PNPLA8: variants seen among roughly 807,000 people sequenced by gnomAD.
PNPLA8 encodes patatin like domain 8, phospholipase A2.
Under a neutral mutation model 76.9 loss-of-function variants are expected in PNPLA8, and 39 were observed. The ratio of observed to expected loss-of-function variants is 0.51; its 90% CI spans 0.39 to 0.66. The LOEUF is 0.66. Among genes scored for constraint, PNPLA8 ranks in the 30% least tolerant of loss-of-function variants. The pLI is 0.00. For synonymous variants in PNPLA8, 301 were observed against 307.9 expected, an observed-to-expected ratio of 0.98 and a Z score of 0.24; for missense variants, 887 against 918.0, an observed-to-expected ratio of 0.97 and a Z score of 0.44.
At chr7:108,524,504 T>G (rs923151148) in intron 1 of PNPLA8, among the ~76,000 whole-genome samples, 1 of 152,138 alleles carries the variant, frequency 6.6e-6, no homozygotes, top group African/African-American at 2.4e-5. Context: ...AATAAAATAC[T>G]TGAGTACTGC....
intron 4 of PNPLA8, chr7:108,502,933 A>G: frequency 4.6e-6 from 1 of 219,084 alleles, no homozygotes; most frequent in Non-Finnish European, 8.8e-6. Context: ...ACAAATTATT[A>G]TAACAAAAGG....
At chr7:108,491,937 T>C (rs1449680635) in intron 7 of PNPLA8, among the ~76,000 whole-genome samples, 7 of 152,210 alleles carry the variant, frequency 4.6e-5, no homozygotes, top group Non-Finnish European at 1.0e-4. Context: ...AATGAGACTT[T>C]AAGCTTGTTT....
At chr7:108,482,729 T>C (rs1429952488) in intron 9 of PNPLA8, among the ~76,000 whole-genome samples, 1 of 152,228 alleles carries the variant, frequency 6.6e-6, no homozygotes, top group Non-Finnish European at 1.5e-5. Flanking sequence ...CCCTATGTTT[T>C]GTCAGATTTA....
Position 108,502,603 on chromosome 7 carries a change from T to C in PNPLA8, c.1246A>G (p.Lys416Glu), listed in dbSNP as rs1862046675. 2.5e-6 allele frequency: 4 copies of C among 1,611,712 alleles called. No homozygotes were observed. Among genetic ancestry groups the C allele is most frequent in the Non-Finnish European group, 3.4e-6 (4 of 1,177,830 alleles). The stretch of plus-strand genomic sequence containing the variant: ...ACTGCAGCCTGAAGAGTTTCATCCT[T>C]AATTTGTCTCAGTCGTAATAAATAT... ...IPYLLRLRQI[K>E]DETLQAAVRE... The change falls in exon 5 of 11, where the codon AAG becomes GAG. Residue 416 changes from lysine (K) to glutamate (E), a missense_variant. Physicochemically the swap from Lys to Glu is moderately conservative, Grantham distance 56. Transcript: ENST00000257694.
chr7:108,519,482 T>C (rs755432176), intron 2 of PNPLA8, among the ~76,000 whole-genome samples: 11 of 152,060 alleles, frequency 7.2e-5, no homozygotes, highest in Admixed American at 2.6e-4. Context: ...CCTAGAGAGA[T>C]TGAGAGAGAG....
chr7:108,511,040 GAAAAA>G lies in PNPLA8; in HGVS notation c.1206+3099_1206+3103del, dbSNP rs60102827. The G allele has an allele frequency of 4.1e-4, 149 of 366,810 alleles. No homozygotes were observed. The Middle Eastern group carries it at 5.0e-3, about 12-fold the overall frequency. The allele number at this position is 366,810 out of a possible 1,614,324, so 22.7% of individuals were successfully genotyped here. Reference sequence around the variant, plus strand: ...ATAAACAGTACCTGCTCTCAAATTGGAAAAAAAAAAAAAAAAAAAGAAAACTGGTA... The same window carrying G: ...ATAAACAGTACCTGCTCTCAAATTGGAAAAAAAAAAAAAAGAAAACTGGTA... On this transcript the variant is annotated intron_variant, in intron 4 of 10. Coordinates refer to ENST00000257694, the MANE Select transcript of PNPLA8 (RefSeq NM_001256007.3).
chr7:108,503,343 G>A (rs966636982), intron 4 of PNPLA8, among the ~76,000 whole-genome samples: 1 of 152,136 alleles, frequency 6.6e-6, no homozygotes, highest in Non-Finnish European at 1.5e-5. Context: ...ATGGCTGAGT[G>A]GCAGCTATAA....
At chr7:108,491,873 T>C (rs188360465) in intron 7 of PNPLA8, among the ~76,000 whole-genome samples, 2 of 152,200 alleles carry the variant, frequency 1.3e-5, no homozygotes, top group East Asian at 1.9e-4. Context: ...GGAGCTGTGT[T>C]GAGATAAGAC....
Position 108,479,312 on chromosome 7 carries a change from T to C in PNPLA8, c.1946A>G (p.Asp649Gly). 1 of 1,613,484 alleles carries C rather than the reference T, an allele frequency of 6.2e-7. No individual in the cohort carries two copies. Among genetic ancestry groups the C allele is most frequent in the Non-Finnish European group, 8.5e-7 (1 of 1,179,372 alleles). The change falls in exon 10 of 11, where the codon GAT (aspartate) becomes GGT (glycine). Residue 649 changes from aspartate to glycine, a missense_variant. Transcript: ENST00000257694. ...AMHECKCLWPDVPLECIVSLG... is the reference protein window; with the variant it reads ...AMHECKCLWPGVPLECIVSLG... ...GGATACTATGCACTCTAACGGCACA[T>C]CTGGCCAAAGACATTTACACTCATG...
At chr7:108,497,233 A>G (rs1332154495) in intron 6 of PNPLA8, among the ~76,000 whole-genome samples, 1 of 152,204 alleles carries the variant, frequency 6.6e-6, no homozygotes, top group Non-Finnish European at 1.5e-5. Flanking sequence ...GTAATTAAAC[A>G]TATTAGGTAC....
intron 10 of PNPLA8, among the ~76,000 whole-genome samples, chr7:108,478,470 A>C (rs1470498996): frequency 6.6e-6 from 1 of 152,100 alleles, no homozygotes; most frequent in Admixed American, 6.5e-5. Flanking sequence ...GGCTCACTGC[A>C]ACCTCTGCCC....
chr7:108,493,568 C>CTTTTTTTTTTTTTTTTT (rs34935118), intron 7 of PNPLA8, among the ~76,000 whole-genome samples: 13 of 81,218 alleles, frequency 1.6e-4, no homozygotes, highest in East Asian at 3.9e-4. Context: ...CCATGCCTGG[C>CTTTTTTTTTTTTTTTTT]TTTTTTTTTT....
intron 10 of PNPLA8, among the ~76,000 whole-genome samples, chr7:108,476,373 A>C (rs1488554911): frequency 6.6e-6 from 1 of 152,208 alleles, no homozygotes; most frequent in Non-Finnish European, 1.5e-5. Flanking sequence ...TGTCTCAGCA[A>C]ATGGCTTATG....
Position 108,471,213 on chromosome 7 carries a change from C to CTTTTTTTTTTTTT in PNPLA8, c.*1175_*1187dup, listed in dbSNP as rs67049113. On this transcript the variant is annotated 3_prime_UTR_variant, in exon 11 of 11. Coordinates refer to ENST00000257694, the MANE Select transcript of PNPLA8 (RefSeq NM_001256007.3). ...TAAGGTAAAACAAGCCTAACTTCTT[C>CTTTTTTTTTTTTT]TTTTTTTTTTTTTTTTTTTTGAGAT... is the stretch of plus-strand genomic sequence containing the variant. 8.3e-6 allele frequency: 1 copy of CTTTTTTTTTTTTT among 120,156 alleles called. No homozygotes were observed. The highest frequency in any genetic ancestry group is 1.7e-5 in the Non-Finnish European group (1 of 57,902). 7.4% of individuals were successfully genotyped at this position (120,156 alleles called of 1,614,324 possible). A position where few individuals can be genotyped will look rare whatever the true frequency, so the allele number is the denominator to read the frequency against.
intron 10 of PNPLA8, among the ~76,000 whole-genome samples, chr7:108,476,233 G>A (rs1178805854): frequency 6.6e-6 from 1 of 152,076 alleles, no homozygotes; most frequent in Non-Finnish European, 1.5e-5. Flanking sequence ...TTACTCATTT[G>A]TCTTATTAAC....
Position 108,526,022 on chromosome 7 carries a change from T to C in PNPLA8, c.-130+7A>G. ...CGTCCCGCCCCTGTCCCCTCGCGGCTACTTACCGGGATGCAGGCCGCAGTC... is the reference window on the plus strand; with the variant it reads ...CGTCCCGCCCCTGTCCCCTCGCGGCCACTTACCGGGATGCAGGCCGCAGTC... On this transcript the variant is annotated splice_region_variant and intron_variant, in intron 1 of 10. Coordinates refer to ENST00000257694, the MANE Select transcript of PNPLA8 (RefSeq NM_001256007.3). The C allele has an allele frequency of 1.0e-6, 1 of 984,298 alleles. No homozygotes were observed. The highest frequency in any genetic ancestry group is 1.7e-5 in the African/African-American group (1 of 57,344). The allele number at this position is 984,298 out of a possible 1,614,324, so 61.0% of individuals were successfully genotyped here.
In PNPLA8 at chr7:108,502,576, T is replaced by G. The variant is rs752907741; in HGVS notation, c.1273A>C (p.Arg425=). 6.2e-7 allele frequency: 1 copy of G among 1,610,770 alleles called. No homozygotes were observed. Among genetic ancestry groups the G allele is most frequent in the Non-Finnish European group, 8.5e-7 (1 of 1,177,628 alleles). Residue 425 remains arginine (R), a synonymous_variant, in exon 5 of 11, where the codon AGA becomes CGA. Coordinates refer to ENST00000257694, the MANE Select transcript of PNPLA8 (RefSeq NM_001256007.3). The part of the protein sequence containing the change: ...IKDETLQAAV[R]EILALIGYVD... The stretch of plus-strand genomic sequence containing the variant: ...TAGCCAATTAGGGCCAAAATTTCTC[T>G]AACTGCAGCCTGAAGAGTTTCATCC...
chr7:108,514,002 G>A, intron 4 of PNPLA8, 142 bp downstream of exon 4: 1 of 591,296 alleles, frequency 1.7e-6, no homozygotes, highest in East Asian at 2.7e-5. Flanking sequence ...AATAAATAGG[G>A]TAATTACTGA....
Position 108,510,833 on chromosome 7 carries a change from A to C in PNPLA8, c.1206+3311T>G, listed in dbSNP as rs1042732790. 295 of 1,599,622 alleles carry C rather than the reference A, an allele frequency of 1.8e-4. 3 individuals carry two copies. In the African/African-American group the frequency reaches 3.6e-3, roughly 20 times the overall value. ...GATCTATACTGTTGGAAAACGCTTCAAAGAGGCAAATAACTTCCTGTGGCC... is the reference window on the plus strand; with the variant it reads ...GATCTATACTGTTGGAAAACGCTTCCAAGAGGCAAATAACTTCCTGTGGCC... On this transcript the variant is annotated intron_variant, in intron 4 of 10. Transcript: ENST00000257694.
Sources: allele counts gnomAD v4.1 joint callset (sites outside exome capture counted in the v4.1 genomes callset), GRCh38; gene constraint gnomAD v4.1.1; transcripts MANE v1.5; gene names NCBI Gene and HGNC (gene_info 2026-07-23, HGNC 2026-07-21).